LRP1B: variants seen among roughly 807,000 people sequenced by gnomAD.
The protein encoded by LRP1B is low-density lipoprotein receptor-related protein 1B.
In LRP1B, 217 loss-of-function variants were observed where a neutral mutation model predicts 556.6. That is an observed-to-expected ratio of 0.39 (90% CI 0.35 to 0.44). The LOEUF is 0.44. Among genes scored for constraint, LRP1B ranks in the 20% least tolerant of loss-of-function variants. The pLI is 1.00. For synonymous variants in LRP1B, 2,047 were observed against 1,865.8 expected (o/e 1.10, Z -2.50); for missense variants, 5,053 against 5,620.8 (o/e 0.90, Z 3.23).
chr2:141,728,379 A>G (rs1693127140), intron 2 of LRP1B, among the ~76,000 whole-genome samples: 1 of 152,088 alleles, frequency 6.6e-6, no homozygotes, highest in South Asian at 2.1e-4. Flanking sequence ...TCCAACTGTG[A>G]GCCCTGACTT....
chr2:140,828,180 T>TCTAAAACTCATTG (rs1410990626), intron 31 of LRP1B, among the ~76,000 whole-genome samples: 4 of 151,668 alleles, frequency 2.6e-5, no homozygotes, highest in African/African-American at 9.7e-5. Flanking sequence ...CAATTGAAGG[T>TCTAAAACTCATTG]CTAAAACTCA....
In LRP1B at chr2:140,233,100, G is replaced by T; in HGVS notation, c.*86C>A. 2 of 850,134 alleles carry T rather than the reference G, an allele frequency of 2.4e-6. No homozygotes were observed. The highest frequency in any genetic ancestry group is 3.3e-6 in the Non-Finnish European group (2 of 599,244). The allele number at this position is 850,134 out of a possible 1,614,324, so 52.7% of individuals were successfully genotyped here. A position where few individuals can be genotyped will look rare whatever the true frequency, so the allele number is the denominator to read the frequency against. On this transcript the variant is annotated 3_prime_UTR_variant, in exon 91 of 91. Transcript: ENST00000389484. ...AGATAAAGAAAGAGGTAATGCTGAT[G>T]CCAAAACAAGTATAATACTGTTGGA...
intron 55 of LRP1B, 91 bp downstream of exon 55, chr2:140,501,594 CTT>C: frequency 1.2e-6 from 1 of 861,150 alleles, no homozygotes. Context: ...ATTATGATGG[CTT>C]TTAACTTTTT....
At chr2:140,977,363 A>C (rs185576415) in intron 18 of LRP1B, among the ~76,000 whole-genome samples, 1 of 152,084 alleles carries the variant, frequency 6.6e-6, no homozygotes, top group East Asian at 1.9e-4. Context: ...ATCCAGTTAA[A>C]CCTCTTTCTT....
At chr2:140,359,859 A>G (rs1682427120) in intron 72 of LRP1B, among the ~76,000 whole-genome samples, 1 of 151,460 alleles carries the variant, frequency 6.6e-6, no homozygotes, top group African/African-American at 2.4e-5. Flanking sequence ...TTTTATTTCC[A>G]TCATTCAGTT....
At chr2:141,161,739 T>G (rs1295510477) in intron 7 of LRP1B, among the ~76,000 whole-genome samples, 1 of 152,120 alleles carries the variant, frequency 6.6e-6, no homozygotes, top group African/African-American at 2.4e-5. Flanking sequence ...AAGTTGTGCT[T>G]GTTGCTAACT....
At chr2:140,296,926 G>T (rs1253300409) in intron 84 of LRP1B, among the ~76,000 whole-genome samples, 1 of 152,122 alleles carries the variant, frequency 6.6e-6, no homozygotes, top group Admixed American at 6.5e-5. Context: ...TGTTAAAAAA[G>T]AGGAGAGAGT....
rs1429262616 is a variant in LRP1B, at chr2:140,839,956, T to C, written c.5209+35A>G. On this transcript the variant is annotated intron_variant, in intron 31 of 90. Transcript: ENST00000389484. ...ATTGTACAAGTACAGGTTTGTCACA[T>C]TGAAAACTTGGTGACTATTAAAAAA... 4 of 1,309,184 alleles carry C rather than the reference T, an allele frequency of 3.1e-6. No individual in the cohort carries two copies. The East Asian group carries it at 9.2e-5, about 30-fold the overall frequency. The allele number at this position is 1,309,184 out of a possible 1,614,324, so 81.1% of individuals were successfully genotyped here.
At chr2:141,211,288 C>G (rs1284178233) in intron 6 of LRP1B, among the ~76,000 whole-genome samples, 1 of 149,932 alleles carries the variant, frequency 6.7e-6, no homozygotes, top group African/African-American at 2.5e-5. Flanking sequence ...ATGCCCAGCC[C>G]ATTTTTCTTT....
chr2:140,449,693 C>A (rs912782405), intron 63 of LRP1B, among the ~76,000 whole-genome samples: 1 of 152,040 alleles, frequency 6.6e-6, no homozygotes, highest in South Asian at 2.1e-4. Context: ...ATCTAGATAA[C>A]CTAAATTTCA....
chr2:141,941,554 G>A (rs1307635951), intron 1 of LRP1B, among the ~76,000 whole-genome samples: 2 of 152,180 alleles, frequency 1.3e-5, no homozygotes, highest in Non-Finnish European at 2.9e-5. Context: ...AGAAAAAGTA[G>A]AGGTTAGCAG....
At chr2:141,968,547 G>A (rs1015519039) in intron 1 of LRP1B, among the ~76,000 whole-genome samples, 2 of 151,474 alleles carry the variant, frequency 1.3e-5, no homozygotes, top group Admixed American at 1.3e-4. Flanking sequence ...TATGACTGCT[G>A]TACATGACTC....
chr2:140,774,865 T>C (rs12691562), intron 33 of LRP1B, among the ~76,000 whole-genome samples: 51,337 of 151,866 alleles, frequency 0.34, 8,716 homozygotes, highest in East Asian at 0.4. Flanking sequence ...ACCCCAAAAA[T>C]TCAGAGAACA....
At chr2:141,770,704 G>A (rs1006372688) in intron 2 of LRP1B, among the ~76,000 whole-genome samples, 1 of 152,202 alleles carries the variant, frequency 6.6e-6, no homozygotes, top group Non-Finnish European at 1.5e-5. Flanking sequence ...ATGCCCAGTA[G>A]AGAGTGCAGT....
At chr2:141,169,000 G>C (rs1434231739) in intron 7 of LRP1B, among the ~76,000 whole-genome samples, 1 of 151,896 alleles carries the variant, frequency 6.6e-6, no homozygotes, top group Non-Finnish European at 1.5e-5. Flanking sequence ...GAAGAGATGG[G>C]ACTGGCCAGG....
chr2:141,700,500 A>T (rs1192372317), intron 2 of LRP1B, among the ~76,000 whole-genome samples: 1 of 151,818 alleles, frequency 6.6e-6, no homozygotes, highest in East Asian at 1.9e-4. Flanking sequence ...ATGTTTCCTA[A>T]TTTTTACATG....
chr2:140,332,301 C>G (rs998137877), intron 79 of LRP1B, among the ~76,000 whole-genome samples: 5 of 149,944 alleles, frequency 3.3e-5, no homozygotes, highest in Non-Finnish European at 7.4e-5. Context: ...CTGCATATGC[C>G]TCATTTTTTT....
chr2:141,140,678 G>A (rs574651145), intron 7 of LRP1B, among the ~76,000 whole-genome samples: 79 of 152,246 alleles, frequency 5.2e-4, no homozygotes, highest in Non-Finnish European at 1.0e-3. Flanking sequence ...CAAACCTGCT[G>A]ACACCTTGAC....
At chr2:140,556,736 A>AT (rs1680749523) in intron 43 of LRP1B, among the ~76,000 whole-genome samples, 1 of 40,110 alleles carries the variant, frequency 2.5e-5, no homozygotes, top group African/African-American at 7.2e-5. Flanking sequence ...AAACAAATTT[A>AT]AAAAAAAAAC....
Sources: gnomAD v4.1 joint callset for allele counts (sites outside exome capture counted in the v4.1 genomes callset) on GRCh38, gnomAD v4.1.1 for gene constraint, MANE v1.5 for transcripts, NCBI Gene and HGNC (gene_info 2026-07-23, HGNC 2026-07-21) for gene names.